Variants in HMGXB4 observed in about 807,000 individuals in gnomAD.
HMGXB4 encodes the protein HMG domain-containing protein 4.
Under a neutral mutation model 63.9 loss-of-function variants are expected in HMGXB4, and 27 were observed. That is an observed-to-expected ratio of 0.42 (90% CI 0.31 to 0.58). The LOEUF is 0.58. HMGXB4 is among the 20% of genes least tolerant of loss of function. HMGXB4 has a pLI of 0.13. For synonymous variants in HMGXB4, 264 were observed against 265.3 expected (o/e 0.99, Z 0.05); for missense variants, 624 against 700.7 (o/e 0.89, Z 1.24).
chr22:35,251,296 C>T, the HMGXB4 span, among the ~76,000 whole-genome samples: 5 of 152,004 alleles, frequency 3.3e-5, no homozygotes, highest in African/African-American at 1.2e-4. Flanking sequence ...AGGATGGTCT[C>T]GATCTCCTGA....
intron 5 of HMGXB4, among the ~76,000 whole-genome samples, chr22:35,277,633 C>A (rs1923991086): frequency 6.6e-6 from 1 of 152,224 alleles, no homozygotes; most frequent in Non-Finnish European, 1.5e-5. Context: ...CAGGTGTGAG[C>A]CACTGCGCCC....
rs137998936 is a variant in HMGXB4, at chr22:35,263,387, G to A, written c.180+161G>A. Among the ~76,000 whole-genome samples, 22 of 151,076 alleles carry A rather than the reference G, an allele frequency of 1.5e-4. 1 individual carries two copies. The East Asian group carries it at 4.3e-3, about 29-fold the overall frequency. Reference sequence around the variant, plus strand: ...CAACCTTCGACTCCCAGGTTCAAGCGTTTCTCTTGCCTCAGCCTCCCGAGT... The same window carrying A: ...CAACCTTCGACTCCCAGGTTCAAGCATTTCTCTTGCCTCAGCCTCCCGAGT... On this transcript the variant is annotated intron_variant, in intron 3 of 10. Coordinates refer to ENST00000216106, the MANE Select transcript of HMGXB4 (RefSeq NM_001003681.3).
chr22:35,265,336 CAAG>C lies in HMGXB4; in HGVS notation c.954_956del (p.Lys321del). On this transcript the variant is annotated inframe_deletion, in exon 5 of 11. Transcript: ENST00000216106. Reference sequence around the variant, plus strand: ...TGATAGATGATTCTTACCGAGAAATCAAGAAGAAAAAGAAGTCAAAGAAGAGCA... The same window carrying C: ...TGATAGATGATTCTTACCGAGAAATCAAGAAAAAGAAGTCAAAGAAGAGCA... 4 of 1,613,512 alleles carry C rather than the reference CAAG, an allele frequency of 2.5e-6. No individual in the cohort carries two copies. The highest frequency in any genetic ancestry group is 2.2e-5 in the East Asian group (1 of 44,864).
chr22:35,244,524 A>C, the HMGXB4 span, among the ~76,000 whole-genome samples: 1 of 152,134 alleles, frequency 6.6e-6, no homozygotes, highest in South Asian at 2.1e-4. Context: ...AAATCAATGA[A>C]CTTTATGTTC....
At position 35,287,468 on chromosome 22, in the gene HMGXB4, C is replaced by T. The variant is rs765386189; in HGVS notation, c.1468+16C>T. 1.5e-5 allele frequency: 24 copies of T among 1,558,736 alleles called. No individual in the cohort carries two copies. The highest frequency in any genetic ancestry group is 7.9e-5 in the South Asian group (7 of 88,980). On this transcript the variant is annotated intron_variant, in intron 8 of 10. Coordinates refer to ENST00000216106, the MANE Select transcript of HMGXB4 (RefSeq NM_001003681.3). ...AAAGTCAAAGGTAGTGACCACATCC[C>T]GCCCCTGCTTTTCTCTAAAGCATGT... is the stretch of plus-strand genomic sequence containing the variant.
At chr22:35,252,306 G>C in the HMGXB4 span, among the ~76,000 whole-genome samples, 2 of 152,186 alleles carry the variant, frequency 1.3e-5, no homozygotes, top group Non-Finnish European at 2.9e-5. Context: ...CTGTTGTATA[G>C]CTGGTCTCTA....
intron 5 of HMGXB4, among the ~76,000 whole-genome samples, chr22:35,266,168 T>C (rs1310620403): frequency 5.9e-5 from 9 of 152,268 alleles, no homozygotes; most frequent in East Asian, 1.9e-4. Context: ...AGCTAGTTCT[T>C]AGAATTCACA....
the HMGXB4 span, among the ~76,000 whole-genome samples, chr22:35,251,115 C>T: frequency 3.4e-4 from 51 of 151,758 alleles, no homozygotes; most frequent in African/African-American, 1.1e-3. Flanking sequence ...TGCTCTGTCA[C>T]CCAGGCTAGA....
In HMGXB4 at chr22:35,268,179, C is replaced by G. The variant is rs953326566; in HGVS notation, c.1215+2576C>G. 2.0e-5 allele frequency among the ~76,000 whole-genome samples: 3 copies of G among 152,228 alleles called. No homozygotes were observed. The East Asian group carries it at 5.8e-4, about 29-fold the overall frequency. The stretch of plus-strand genomic sequence containing the variant: ...TGCACACACCTGTGTGATCAAACCT[C>G]TATCAAGATACAGACATTACCATCA... On this transcript the variant is annotated intron_variant, in intron 5 of 10. Coordinates refer to ENST00000216106, the MANE Select transcript of HMGXB4 (RefSeq NM_001003681.3).
intron 1 of HMGXB4, among the ~76,000 whole-genome samples, chr22:35,259,201 G>C (rs1231615532): frequency 1.3e-5 from 2 of 152,118 alleles, no homozygotes; most frequent in Non-Finnish European, 2.9e-5. Context: ...CATTTCATAA[G>C]TATACATTTT....
At chr22:35,279,077 T>C (rs1924078608) in intron 5 of HMGXB4, among the ~76,000 whole-genome samples, 1 of 148,124 alleles carries the variant, frequency 6.8e-6, no homozygotes, top group African/African-American at 2.5e-5. Flanking sequence ...TTTTGGATAA[T>C]AGTTCTTAAT....
intron 5 of HMGXB4, among the ~76,000 whole-genome samples, chr22:35,267,241 G>A (rs1040040426): frequency 3.3e-5 from 5 of 151,218 alleles, no homozygotes; most frequent in Admixed American, 3.3e-4. Flanking sequence ...TCTGAGCCAG[G>A]AATCAGTGTG....
the HMGXB4 span, among the ~76,000 whole-genome samples, chr22:35,247,253 A>G: frequency 6.6e-6 from 1 of 152,186 alleles, no homozygotes; most frequent in African/African-American, 2.4e-5. Context: ...GCCTTGTTGG[A>G]TGGATCAGAG....
intron 5 of HMGXB4, among the ~76,000 whole-genome samples, chr22:35,282,940 T>C (rs1467961331): frequency 6.6e-6 from 1 of 152,268 alleles, no homozygotes; most frequent in Non-Finnish European, 1.5e-5. Flanking sequence ...GTTTTATATA[T>C]TTCTTGTTGA....
At chr22:35,273,978 G>A (rs1172534546) in intron 5 of HMGXB4, among the ~76,000 whole-genome samples, 2 of 152,298 alleles carry the variant, frequency 1.3e-5, no homozygotes, top group East Asian at 1.9e-4. Context: ...CTCTTCATGC[G>A]CAGTTCTGAG....
At chr22:35,252,755 G>C (rs906003050), upstream of HMGXB4, among the ~76,000 whole-genome samples, 6 of 152,224 alleles carry the variant, frequency 3.9e-5, no homozygotes, top group African/African-American at 1.2e-4. Context: ...TGTAATCCCA[G>C]CACTTTGGGA....
At chr22:35,250,897 A>T in the HMGXB4 span, among the ~76,000 whole-genome samples, 1 of 151,566 alleles carries the variant, frequency 6.6e-6, no homozygotes, top group South Asian at 2.1e-4. Flanking sequence ...GGGCCTTTTG[A>T]CTCCTTCTGA....
rs1483442291 is a variant in HMGXB4, at chr22:35,292,866, A to G, written c.1639-126A>G. On this transcript the variant is annotated intron_variant, in intron 9 of 10. Coordinates refer to ENST00000216106, the MANE Select transcript of HMGXB4 (RefSeq NM_001003681.3). ...ACAGAGTTATCAAAGTAAACTTTCC[A>G]TTTCTGCTGTAAAGTTTCAAATTAT... is the stretch of plus-strand genomic sequence containing the variant. The G allele has an allele frequency of 3.6e-6, 4 of 1,115,432 alleles. No individual in the cohort carries two copies. The African/African-American group carries it at 6.3e-5, about 18-fold the overall frequency. The allele number at this position is 1,115,432 out of a possible 1,614,324, so 69.1% of individuals were successfully genotyped here.
intron 1 of HMGXB4, among the ~76,000 whole-genome samples, chr22:35,257,861 C>A (rs960512314): frequency 8.6e-5 from 13 of 151,916 alleles, no homozygotes; most frequent in African/African-American, 2.7e-4. Flanking sequence ...GGACCCGGGC[C>A]GCCCCTCCCC....
Sources: gnomAD v4.1 joint callset for allele counts (sites outside exome capture counted in the v4.1 genomes callset) on GRCh38, gnomAD v4.1.1 for gene constraint, MANE v1.5 for transcripts, NCBI Gene and HGNC (gene_info 2026-07-23, HGNC 2026-07-21) for gene names.